Variants in RBFOX1 observed in about 807,000 individuals in gnomAD.
The protein encoded by RBFOX1 is RNA binding protein fox-1 homolog 1.
In RBFOX1, 8 loss-of-function variants were observed where a neutral mutation model predicts 57.7. The ratio of observed to expected loss-of-function variants is 0.14; its 90% CI spans 0.08 to 0.25. RBFOX1 has a LOEUF of 0.25. Among genes scored for constraint, RBFOX1 ranks in the 10% least tolerant of loss-of-function variants. The pLI is 1.00. For missense variants in RBFOX1, 611 were observed against 548.5 expected (o/e 1.11, Z -1.14); for synonymous variants, 326 against 222.4 (o/e 1.47, Z -4.15).
intron 3 of RBFOX1, among the ~76,000 whole-genome samples, chr16:5,837,916 G>A (rs1036314948): frequency 1.8e-4 from 27 of 152,116 alleles, no homozygotes; most frequent in South Asian, 2.1e-4. Flanking sequence ...TAGGTTGGGC[G>A]CTTGGAGAAG....
chr16:5,505,703 AT>A (rs1262918602), intron 2 of RBFOX1, among the ~76,000 whole-genome samples: 8 of 152,092 alleles, frequency 5.3e-5, no homozygotes, highest in African/African-American at 1.7e-4. Context: ...AAAAGATACC[AT>A]CTTACATTGT....
At chr16:6,317,721 G>C (rs535784768) in intron 2 of RBFOX1, among the ~76,000 whole-genome samples, 85 of 152,212 alleles carry the variant, frequency 5.6e-4, no homozygotes, top group African/African-American at 2.0e-3. Context: ...TTTATATGCA[G>C]ATATACTCTA....
At chr16:5,939,836 A>T (rs1416962335) in intron 4 of RBFOX1, among the ~76,000 whole-genome samples, 1 of 152,200 alleles carries the variant, frequency 6.6e-6, no homozygotes, top group Non-Finnish European at 1.5e-5. Flanking sequence ...CCATATGGAC[A>T]TGGGGATCTA....
chr16:5,527,657 T>C (rs556491252), intron 2 of RBFOX1, among the ~76,000 whole-genome samples: 28 of 152,258 alleles, frequency 1.8e-4, no homozygotes, highest in African/African-American at 6.7e-4. Context: ...GGGTTTAGGA[T>C]GGTTTTTTGG....
At position 5,514,934 on chromosome 16, in the gene RBFOX1, C is replaced by T. The variant is rs114136403; in HGVS notation, c.258+47680C>T. On this transcript the variant is annotated intron_variant, in intron 2 of 2. Coordinates refer to the RBFOX1 transcript ENST00000585867. Reference sequence around the variant, plus strand: ...TTCTGCAGGTTGGAAAGAAGCATGGCGCCAGTGTCTGCTTTTGGTCAGGAC... The same window carrying T: ...TTCTGCAGGTTGGAAAGAAGCATGGTGCCAGTGTCTGCTTTTGGTCAGGAC... Among the ~76,000 whole-genome samples, 554 of 152,210 alleles carry T rather than the reference C, an allele frequency of 3.6e-3. 1 individual carries two copies. Among genetic ancestry groups the T allele is most frequent in the African/African-American group, 0.012 (503 of 41,518 alleles).
At chr16:5,384,697 T>C (rs977048758) in intron 1 of RBFOX1, among the ~76,000 whole-genome samples, 2 of 152,130 alleles carry the variant, frequency 1.3e-5, no homozygotes, top group Admixed American at 1.3e-4. Context: ...CACAGGAAAA[T>C]AGCTTCAGGA....
chr16:5,486,621 C>T (rs192088410), intron 2 of RBFOX1, among the ~76,000 whole-genome samples: 3 of 152,174 alleles, frequency 2.0e-5, no homozygotes, highest in Non-Finnish European at 4.4e-5. Context: ...CAGAACATCT[C>T]TTTCTTCCCC....
At chr16:6,844,107 C>A (rs1249577166) in intron 3 of RBFOX1, among the ~76,000 whole-genome samples, 1 of 139,996 alleles carries the variant, frequency 7.1e-6, no homozygotes, top group Non-Finnish European at 1.5e-5. Context: ...AAGCCACCAT[C>A]ACATCTTCCC....
chr16:6,682,340 G>T (rs1402441166), intron 3 of RBFOX1, among the ~76,000 whole-genome samples: 1 of 152,028 alleles, frequency 6.6e-6, no homozygotes, highest in Non-Finnish European at 1.5e-5. Context: ...GGCGCCCCTT[G>T]TGCTTGTACC....
chr16:5,603,840 C>A (rs1378568753), downstream of RBFOX1, among the ~76,000 whole-genome samples: 1 of 152,208 alleles, frequency 6.6e-6, no homozygotes, highest in Non-Finnish European at 1.5e-5. Context: ...CACTCTGGAG[C>A]AAATGCATCC....
intron 1 of RBFOX1, among the ~76,000 whole-genome samples, chr16:5,306,012 C>G (rs2063923967): frequency 6.6e-6 from 1 of 152,112 alleles, no homozygotes; most frequent in Non-Finnish European, 1.5e-5. Context: ...GGCAATGTAG[C>G]AAGACTCCCA....
intron 4 of RBFOX1, among the ~76,000 whole-genome samples, chr16:7,384,467 T>C (rs1246001564): frequency 6.6e-6 from 1 of 152,188 alleles, no homozygotes; most frequent in Non-Finnish European, 1.5e-5. Flanking sequence ...GAGCTGCTTA[T>C]TGCAGTGGGT....
chr16:7,538,141 C>T (rs2081992790), intron 5 of RBFOX1, among the ~76,000 whole-genome samples: 1 of 152,144 alleles, frequency 6.6e-6, no homozygotes, highest in Non-Finnish European at 1.5e-5. Flanking sequence ...GAGGGACATA[C>T]ATCCTAGTAG....
At chr16:5,497,408 G>A (rs892941259) in intron 2 of RBFOX1, among the ~76,000 whole-genome samples, 1 of 151,878 alleles carries the variant, frequency 6.6e-6, no homozygotes, top group African/African-American at 2.4e-5. Flanking sequence ...TGCTTGTTGA[G>A]CCTTGACTAT....
chr16:7,223,593 A>G (rs946023291), intron 4 of RBFOX1, among the ~76,000 whole-genome samples: 6 of 152,064 alleles, frequency 3.9e-5, no homozygotes, highest in Non-Finnish European at 7.4e-5. Context: ...ACTCACATCC[A>G]CCTCAGCTTA....
At chr16:6,866,893 C>T (rs1289139612) in intron 3 of RBFOX1, among the ~76,000 whole-genome samples, 1 of 151,762 alleles carries the variant, frequency 6.6e-6, no homozygotes, top group Non-Finnish European at 1.5e-5. Context: ...TTACTTGCCA[C>T]ACAAAGCATC....
In RBFOX1 at chr16:7,596,147, AC is replaced by A. The variant is rs1329187386; in HGVS notation, c.561+507del. ...TGTGGAAAAAAAAACAAAAAAAAAAACGAGAGGTTTTTACTAAACCTCTCGT... is the reference window on the plus strand; with the variant it reads ...TGTGGAAAAAAAAACAAAAAAAAAAAGAGAGGTTTTTACTAAACCTCTCGT... On this transcript the variant is annotated intron_variant, in intron 8 of 15. Coordinates refer to ENST00000550418, the MANE Select transcript of RBFOX1 (RefSeq NM_018723.4). Among the ~76,000 whole-genome samples, 3 of 64,710 alleles carry A rather than the reference AC, an allele frequency of 4.6e-5. No individual in the cohort carries two copies. The East Asian group carries it at 1.0e-3, about 22-fold the overall frequency. The allele number at this position is 64,710 out of a possible 152,430, so 42.5% of individuals were successfully genotyped here. A position where few individuals can be genotyped will look rare whatever the true frequency, so the allele number is the denominator to read the frequency against.
chr16:5,833,912 T>C (rs367640020), intron 3 of RBFOX1, among the ~76,000 whole-genome samples: 1 of 152,188 alleles, frequency 6.6e-6, no homozygotes. Context: ...CTCTCCATAC[T>C]AGGGTGGAAG....
At chr16:6,384,678 G>C (rs2092117221) in intron 2 of RBFOX1, among the ~76,000 whole-genome samples, 1 of 152,254 alleles carries the variant, frequency 6.6e-6, no homozygotes, top group African/African-American at 2.4e-5. Context: ...CTTCTTCCAG[G>C]CCTCTTTGTA....
Sources: allele counts gnomAD v4.1 joint callset (sites outside exome capture counted in the v4.1 genomes callset), GRCh38; gene constraint gnomAD v4.1.1; transcripts MANE v1.5; gene names NCBI Gene and HGNC (gene_info 2026-07-23, HGNC 2026-07-21).